Variants in AFTPH observed in about 807,000 individuals in gnomAD.
The protein encoded by AFTPH is aftiphilin protein.
AFTPH carries 7 observed loss-of-function variants against 72.5 expected under a neutral mutation model. The observed-to-expected ratio is 0.10, with a 90% CI of 0.05 to 0.18. The LOEUF is 0.18. AFTPH is among the 10% of genes least tolerant of loss of function. AFTPH has a pLI of 1.00. For synonymous variants in AFTPH, 337 were observed against 370.1 expected, an observed-to-expected ratio of 0.91 and a Z score of 1.03; for missense variants, 979 against 1,060.5, an observed-to-expected ratio of 0.92 and a Z score of 1.07.
At chr2:64,585,341 T>G in intron 7 of AFTPH, 81 bp from the exon 9 acceptor site, 3 of 1,526,630 alleles carry the variant, frequency 2.0e-6, no homozygotes, top group Non-Finnish European at 2.7e-6. Context: ...TTACAGAATA[T>G]TGCCTTTTGC....
chr2:64,564,543 G>A (rs1671932890), intron 2 of AFTPH, among the ~76,000 whole-genome samples: 1 of 151,912 alleles, frequency 6.6e-6, no homozygotes, highest in African/African-American at 2.4e-5. Context: ...GAACCTGAGA[G>A]GCCAAGGTTG....
exon 2 of AFTPH, chr2:64,551,681 T>C (rs763984222): frequency 1.6e-5 from 26 of 1,613,910 alleles, no homozygotes; most frequent in Non-Finnish European, 2.0e-5. Flanking sequence ...TGCCAATTCA[T>C]GAATTCTCAG....
chr2:64,573,087 GTATAAA>G lies in AFTPH; in HGVS notation c.2394+23_2394+28del. 1 of 1,595,182 alleles carries G rather than the reference GTATAAA, an allele frequency of 6.3e-7. No individual in the cohort carries two copies. Among genetic ancestry groups the G allele is most frequent in the Non-Finnish European group, 8.6e-7 (1 of 1,163,244 alleles). ...GTTCCAGGTAAAAATATCTATATGTGTATAAATATGTTTATGCGTGTATATACACAT... is the reference window on the plus strand; with the variant it reads ...GTTCCAGGTAAAAATATCTATATGTGTATGTTTATGCGTGTATATACACAT... On this transcript the variant is annotated intron_variant, in intron 6 of 8. Transcript: ENST00000238856.
intron 8 of AFTPH, among the ~76,000 whole-genome samples, chr2:64,587,425 T>C (rs528273648): frequency 3.3e-5 from 5 of 152,320 alleles, no homozygotes; most frequent in African/African-American, 1.2e-4. Flanking sequence ...CAACGAGTGA[T>C]TCTCAATCGT....
rs775462789 is a variant in AFTPH at position 64,573,081 on chromosome 2, A to C, written c.2394+13A>C. On this transcript the variant is annotated intron_variant, in intron 6 of 8. Coordinates refer to ENST00000238856, the Ensembl canonical transcript of AFTPH. ...TGATCAGTTCCAGGTAAAAATATCT[A>C]TATGTGTATAAATATGTTTATGCGT... 6.2e-7 allele frequency: 1 copy of C among 1,607,362 alleles called. No individual in the cohort carries two copies. Among genetic ancestry groups the C allele is most frequent in the Non-Finnish European group, 8.5e-7 (1 of 1,174,048 alleles).
intron 2 of AFTPH, among the ~76,000 whole-genome samples, chr2:64,560,920 G>A (rs367699229): frequency 4.9e-4 from 75 of 152,300 alleles, no homozygotes; most frequent in South Asian, 6.2e-4. Context: ...CAGAATTTGT[G>A]TGGGAGTACC....
chr2:64,542,726 G>T (rs1670331593), intron 1 of AFTPH, among the ~76,000 whole-genome samples: 1 of 151,632 alleles, frequency 6.6e-6, no homozygotes, highest in Admixed American at 6.6e-5. Context: ...TCAACTTCAT[G>T]TATCTTTAGT....
At chr2:64,575,276 C>T (rs1015041541) in intron 6 of AFTPH, among the ~76,000 whole-genome samples, 1 of 152,118 alleles carries the variant, frequency 6.6e-6, no homozygotes, top group Non-Finnish European at 1.5e-5. Context: ...AGATGCCTGA[C>T]CTCCATCACA....
chr2:64,572,865 C>T, intron 5 of AFTPH, 81 bp from the exon 6 acceptor site: 2 of 1,538,012 alleles, frequency 1.3e-6, no homozygotes, highest in Non-Finnish European at 8.8e-7. Context: ...CTGTTTTTTA[C>T]CTTCTTCTTT....
chr2:64,526,591 C>CT, intron 1 of AFTPH, among the ~76,000 whole-genome samples: 1 of 152,224 alleles, frequency 6.6e-6, no homozygotes, highest in East Asian at 1.9e-4. Flanking sequence ...AATAGTGAAC[C>CT]TTTCTAGCCG....
At chr2:64,548,288 G>A (rs986968333) in intron 1 of AFTPH, among the ~76,000 whole-genome samples, 1 of 146,402 alleles carries the variant, frequency 6.8e-6, no homozygotes, top group Non-Finnish European at 1.5e-5. Context: ...AGCTACTCGG[G>A]AGGCTGAGGC....
chr2:64,556,836 G>T (rs1221742419), intron 2 of AFTPH, among the ~76,000 whole-genome samples: 2 of 152,184 alleles, frequency 1.3e-5, no homozygotes. Context: ...GAACATTATT[G>T]AGAAATAGAT....
At chr2:64,545,733 C>T (rs888468443) in intron 1 of AFTPH, among the ~76,000 whole-genome samples, 7 of 151,002 alleles carry the variant, frequency 4.6e-5, no homozygotes, top group South Asian at 2.1e-4. Flanking sequence ...AAAATTGTGG[C>T]GATGGAGAAC....
rs567272011 is a variant in AFTPH at position 64,552,748 on chromosome 2, A to G, written c.1274A>G (p.Asn425Ser). 4.8e-5 allele frequency: 77 copies of G among 1,614,210 alleles called. No homozygotes were observed. The highest frequency in any genetic ancestry group is 6.4e-5 in the Non-Finnish European group (75 of 1,180,034). ...AGTAGTAATGACTTTGTGACTTGCAATGATATCAATGAAGATGATTTTGGT... is the reference window on the plus strand; with the variant it reads ...AGTAGTAATGACTTTGTGACTTGCAGTGATATCAATGAAGATGATTTTGGT... Residue 425 changes from asparagine (N) to serine (S), a missense_variant, in exon 2 of 9, where the codon AAT becomes AGT. This residue lies in a region of AFTPH where 498 missense variants were observed against 467.6 expected (regional missense o/e 1.06). Coordinates refer to ENST00000238856, the Ensembl canonical transcript of AFTPH.
At chr2:64,579,590 G>A in intron 7 of AFTPH, 44 bp downstream of exon 7, 1 of 1,546,906 alleles carries the variant, frequency 6.5e-7, no homozygotes, top group Non-Finnish European at 8.9e-7. Flanking sequence ...CTAGAGTTAA[G>A]AAAGCTACAA....
chr2:64,569,520 C>T (rs529700113), intron 4 of AFTPH, 103 bp from the exon 5 acceptor site: 58 of 1,295,152 alleles, frequency 4.5e-5, no homozygotes, highest in Non-Finnish European at 5.7e-5. Context: ...ATTTATCATT[C>T]CCAATATATG....
intron 8 of AFTPH, among the ~76,000 whole-genome samples, 200 bp from the exon 10 acceptor site, chr2:64,591,688 C>T (rs1057228673): frequency 1.3e-5 from 2 of 152,054 alleles, no homozygotes; most frequent in Non-Finnish European, 2.9e-5. Flanking sequence ...AAATAGGCCG[C>T]ACGTCACTCT....
intron 1 of AFTPH, among the ~76,000 whole-genome samples, chr2:64,541,974 C>G (rs1670281560): frequency 1.3e-5 from 2 of 152,106 alleles, no homozygotes; most frequent in South Asian, 2.1e-4. Context: ...TTATCACCAT[C>G]CTTCTTTCTA....
At chr2:64,584,593 A>AT (rs5831705) in intron 7 of AFTPH, among the ~76,000 whole-genome samples, 53,421 of 116,948 alleles carry the variant, frequency 0.46, 14,608 homozygotes, top group African/African-American at 0.71. Flanking sequence ...CTTAGTCATG[A>AT]TTTTTTTTTT....
Sources: gnomAD v4.1 joint callset for allele counts (sites outside exome capture counted in the v4.1 genomes callset) on GRCh38, gnomAD v4.1.1 for gene constraint, gnomAD v4.1.1 regional missense constraint, MANE v1.5 for transcripts, NCBI Gene and HGNC (gene_info 2026-07-23, HGNC 2026-07-21) for gene names.